ELAVL2: variants seen among roughly 807,000 people sequenced by gnomAD.
ELAVL2 encodes the protein ELAV like RNA binding protein 2.
In ELAVL2, 4 loss-of-function variants were observed where a neutral mutation model predicts 34.6. The observed-to-expected ratio is 0.12, with a 90% CI of 0.06 to 0.26. ELAVL2 has a LOEUF of 0.26. Among genes scored for constraint, ELAVL2 ranks in the 10% least tolerant of loss-of-function variants. The probability of loss-of-function intolerance (pLI) is 1.00; values close to 1 mark genes in which losing one functional copy is unlikely to be tolerated. For synonymous variants in ELAVL2, 193 were observed against 154.8 expected (o/e 1.25, Z -1.83); for missense variants, 432 against 442.8 (o/e 0.98, Z 0.22).
At position 23,789,263 on chromosome 9, in the gene ELAVL2, T is replaced by C. The variant is rs2060063237; in HGVS notation, c.-15-27014A>G. ...TCAGTCTAGGCCAGTGCCCAGACAC[T>C]AGACGCAGCCACAAGAAATGCAAGT... On this transcript the variant is annotated intron_variant, in intron 1 of 6. Coordinates refer to ENST00000397312, the MANE Select transcript of ELAVL2 (RefSeq NM_004432.5). Among the ~76,000 whole-genome samples the C allele has an allele frequency of 2.0e-5, 3 of 152,156 alleles. 1 individual carries two copies.
Position 23,692,431 on chromosome 9 carries a change from C to T in ELAVL2, c.*126G>A, listed in dbSNP as rs1463540238. The T allele has an allele frequency of 3.2e-6, 3 of 939,880 alleles. No homozygotes were observed. The highest frequency in any genetic ancestry group is 3.9e-5 in the South Asian group (2 of 51,080). The allele number at this position is 939,880 out of a possible 1,614,324, so 58.2% of individuals were successfully genotyped here. On this transcript the variant is annotated 3_prime_UTR_variant, in exon 7 of 7. Coordinates refer to ENST00000397312, the MANE Select transcript of ELAVL2 (RefSeq NM_004432.5). ...AAAATCTCACATATTTCTTAGGATGCTAAGTAGTCATTTTATCCCCATCTC... is the reference window on the plus strand; with the variant it reads ...AAAATCTCACATATTTCTTAGGATGTTAAGTAGTCATTTTATCCCCATCTC...
chr9:23,830,406 ACTC>A (rs1216725291), upstream of ELAVL2: 4 of 151,746 alleles, frequency 2.6e-5, no homozygotes, highest in East Asian at 5.8e-4. Flanking sequence ...GTGTCTGTAA[ACTC>A]CTGTTCAAGG....
intron 1 of ELAVL2, among the ~76,000 whole-genome samples, chr9:23,804,530 A>G (rs1474181044): frequency 2.0e-5 from 3 of 152,196 alleles, no homozygotes; most frequent in East Asian, 1.9e-4. Flanking sequence ...CCAATCCCCT[A>G]CTGATGAACA....
intron 3 of ELAVL2, among the ~76,000 whole-genome samples, chr9:23,729,143 A>G (rs1231281895): frequency 6.6e-6 from 1 of 152,146 alleles, no homozygotes; most frequent in Admixed American, 6.5e-5. Flanking sequence ...CTGCATTTCT[A>G]CCTTCTTCTG....
intron 2 of ELAVL2, among the ~76,000 whole-genome samples, chr9:23,751,450 T>G (rs2052004579): frequency 6.6e-6 from 1 of 152,154 alleles, no homozygotes; most frequent in African/African-American, 2.4e-5. Context: ...TCAATGAATA[T>G]TTCAATGGAA....
At chr9:23,752,363 G>A (rs1014460277) in intron 2 of ELAVL2, among the ~76,000 whole-genome samples, 1 of 152,056 alleles carries the variant, frequency 6.6e-6, no homozygotes, top group Non-Finnish European at 1.5e-5. Context: ...GGAAGCAAAG[G>A]TATTTTGATT....
chr9:23,762,025 A>T lies in ELAVL2; in HGVS notation c.210T>A (p.Leu70=). 6.2e-7 allele frequency: 1 copy of T among 1,612,458 alleles called. No homozygotes were observed. Among genetic ancestry groups the T allele is most frequent in the Non-Finnish European group, 8.5e-7 (1 of 1,179,092 alleles). Residue 70 remains leucine, a synonymous_variant, in exon 2 of 7, where the codon CTT becomes CTA. Coordinates refer to ENST00000397312, the MANE Select transcript of ELAVL2 (RefSeq NM_004432.5). ...GCTTACCTGTTATTTTGTCTCTTACAAGCTTACAGGACTCTATTTCACCAA... is the reference window on the plus strand; with the variant it reads ...GCTTACCTGTTATTTTGTCTCTTACTAGCTTACAGGACTCTATTTCACCAA... ...GSIGEIESCK[L]VRDKITGQSL... is the part of the protein sequence containing the mutation.
At chr9:23,704,258 G>A (rs116967681) in intron 4 of ELAVL2, among the ~76,000 whole-genome samples, 11 of 152,078 alleles carry the variant, frequency 7.2e-5, no homozygotes, top group African/African-American at 2.2e-4. Flanking sequence ...ATAGAAAATT[G>A]TATCTGTATT....
chr9:23,764,441 A>G (rs2136101766), intron 1 of ELAVL2, among the ~76,000 whole-genome samples: 1 of 152,274 alleles, frequency 6.6e-6, no homozygotes, highest in South Asian at 2.1e-4. Flanking sequence ...AAATTACAGC[A>G]TCTCTCTGCT....
chr9:23,825,551 T>C (rs1413266098), intron 1 of ELAVL2, among the ~76,000 whole-genome samples: 1 of 152,172 alleles, frequency 6.6e-6, no homozygotes, highest in Non-Finnish European at 1.5e-5. Context: ...CCTCCCATTG[T>C]ACCCCTACTC....
At chr9:23,781,558 C>CAGAA (rs2059068804) in intron 1 of ELAVL2, among the ~76,000 whole-genome samples, 2 of 148,516 alleles carry the variant, frequency 1.3e-5, no homozygotes, top group South Asian at 4.2e-4. Flanking sequence ...AATTCTGTCA[C>CAGAA]CAACCAGGCT....
At chr9:23,813,775 A>G (rs773338371) in intron 1 of ELAVL2, among the ~76,000 whole-genome samples, 3 of 152,204 alleles carry the variant, frequency 2.0e-5, no homozygotes, top group African/African-American at 7.2e-5. Context: ...AGGAGACTAT[A>G]AGATCTAAAT....
the ELAVL2 span, among the ~76,000 whole-genome samples, chr9:23,834,506 G>A: frequency 3.3e-5 from 5 of 151,976 alleles, no homozygotes; most frequent in Non-Finnish European, 7.4e-5. Context: ...GAGGTTAGAT[G>A]TAATCATAAG....
intron 1 of ELAVL2, among the ~76,000 whole-genome samples, chr9:23,805,841 C>G (rs896333112): frequency 6.6e-6 from 1 of 152,172 alleles, no homozygotes; most frequent in African/African-American, 2.4e-5. Context: ...TCAGTCCAAC[C>G]TTGAAGCAGC....
the ELAVL2 span, among the ~76,000 whole-genome samples, chr9:23,840,954 T>C: frequency 6.6e-6 from 1 of 152,178 alleles, no homozygotes; most frequent in Admixed American, 6.5e-5. Flanking sequence ...CACGTTGGAC[T>C]GACATGACCA....
intron 2 of ELAVL2, among the ~76,000 whole-genome samples, chr9:23,745,909 G>A (rs1406199633): frequency 6.6e-6 from 1 of 152,188 alleles, no homozygotes; most frequent in African/African-American, 2.4e-5. Flanking sequence ...CCTGCTGTGT[G>A]AATGCTACTG....
At chr9:23,758,838 G>T (rs1337205993) in intron 2 of ELAVL2, among the ~76,000 whole-genome samples, 2 of 152,128 alleles carry the variant, frequency 1.3e-5, no homozygotes, top group East Asian at 3.9e-4. Flanking sequence ...CTTAAATAAA[G>T]AACTACAGAG....
intron 2 of ELAVL2, among the ~76,000 whole-genome samples, chr9:23,739,533 G>T (rs1426422652): frequency 6.6e-6 from 1 of 151,600 alleles, no homozygotes; most frequent in Non-Finnish European, 1.5e-5. Context: ...ACACAGATCC[G>T]CCACCGCCCC....
chr9:23,779,428 AGGTGGCTGAGG>A, intron 1 of ELAVL2: 1 of 985,138 alleles, frequency 1.0e-6, no homozygotes, highest in Non-Finnish European at 1.2e-6. Context: ...AAGATCTGGG[AGGTGGCTGAGG>A]GAATATGAAA....
Sources: allele counts gnomAD v4.1 joint callset (sites outside exome capture counted in the v4.1 genomes callset), GRCh38; gene constraint gnomAD v4.1.1; transcripts MANE v1.5; gene names NCBI Gene and HGNC (gene_info 2026-07-23, HGNC 2026-07-21).